Variants in HS3ST4 observed in about 807,000 individuals in gnomAD.
HS3ST4 encodes heparan sulfate-glucosamine 3-sulfotransferase 4, also known as heparan sulfate glucosamine 3-O-sulfotransferase 4.
Under a neutral mutation model 29.2 loss-of-function variants are expected in HS3ST4, and 17 were observed. That is an observed-to-expected ratio of 0.58 (90% CI 0.40 to 0.87). The LOEUF (loss-of-function observed/expected upper bound fraction) is 0.87. HS3ST4 is among the 40% of genes least tolerant of loss of function. HS3ST4 has a pLI of 0.00. For synonymous variants in HS3ST4, 314 were observed against 285.7 expected (o/e 1.10, Z -1.00); for missense variants, 627 against 634.5 (o/e 0.99, Z 0.13).
At chr16:26,021,167 A>G (rs985569223) in intron 1 of HS3ST4, among the ~76,000 whole-genome samples, 1 of 152,250 alleles carries the variant, frequency 6.6e-6, no homozygotes, top group African/African-American at 2.4e-5. Context: ...ATAGTCAGCT[A>G]TGGGCCAAAT....
intron 1 of HS3ST4, among the ~76,000 whole-genome samples, chr16:26,082,623 G>T (rs752160953): frequency 6.6e-6 from 1 of 152,130 alleles, no homozygotes; most frequent in Non-Finnish European, 1.5e-5. Flanking sequence ...GAAATTAGGC[G>T]TGGTCATGTG....
At chr16:25,903,273 C>CGTGTGTGTGTGTGTGTGT (rs71385584) in intron 1 of HS3ST4, among the ~76,000 whole-genome samples, 3 of 58,394 alleles carry the variant, frequency 5.1e-5, no homozygotes, top group African/African-American at 1.7e-4. Context: ...GAAGAATATA[C>CGTGTGTGTGTGTGTGTGT]GTGTGTGTGT....
intron 1 of HS3ST4, among the ~76,000 whole-genome samples, chr16:26,132,615 A>C (rs148274373): frequency 1.2e-3 from 176 of 152,310 alleles, no homozygotes; most frequent in African/African-American, 4.0e-3. Context: ...ATCCACAAAG[A>C]TCTTGACAGA....
chr16:25,712,154 A>G (rs1197741307), intron 1 of HS3ST4, among the ~76,000 whole-genome samples: 1 of 152,118 alleles, frequency 6.6e-6, no homozygotes, highest in Non-Finnish European at 1.5e-5. Context: ...ACAAGATACT[A>G]TTCTTCCAGG....
At chr16:25,954,232 A>G (rs1055795117) in intron 1 of HS3ST4, among the ~76,000 whole-genome samples, 23 of 152,208 alleles carry the variant, frequency 1.5e-4, no homozygotes, top group African/African-American at 4.3e-4. Flanking sequence ...TTTAAAAGCC[A>G]GTGTTCAGTT....
intron 1 of HS3ST4, among the ~76,000 whole-genome samples, chr16:26,130,406 G>C (rs1274429340): frequency 1.3e-5 from 2 of 152,164 alleles, no homozygotes; most frequent in African/African-American, 2.4e-5. Flanking sequence ...GACTTCCAGA[G>C]ACCATGTATT....
rs4611465 is a variant in HS3ST4 at position 25,925,606 on chromosome 16, C to T, written c.735-210006C>T. Among the ~76,000 whole-genome samples the T allele has an allele frequency of 4.5e-3, 678 of 152,270 alleles. 6 individuals carry two copies. Among genetic ancestry groups the T allele is most frequent in the African/African-American group, 0.015 (622 of 41,548 alleles). On this transcript the variant is annotated intron_variant, in intron 1 of 1. Coordinates refer to ENST00000331351, the MANE Select transcript of HS3ST4 (RefSeq NM_006040.3). ...CTGCAAATCCCCTAAGTGCCAGTGA[C>T]GGGGAGGCTTTGACTGGGGAAACAT...
At chr16:25,706,082 C>A (rs1276358636) in intron 1 of HS3ST4, among the ~76,000 whole-genome samples, 2 of 152,194 alleles carry the variant, frequency 1.3e-5, no homozygotes, top group Admixed American at 1.3e-4. Context: ...GTTCTCAGGG[C>A]AGACTGCGTA....
At chr16:25,739,145 A>C (rs1025328635) in intron 1 of HS3ST4, among the ~76,000 whole-genome samples, 21 of 152,136 alleles carry the variant, frequency 1.4e-4, no homozygotes, top group African/African-American at 4.8e-4. Flanking sequence ...AGTTCAAGAC[A>C]AGCCTGGCCA....
At chr16:26,091,747 C>A (rs4390598) in intron 1 of HS3ST4, among the ~76,000 whole-genome samples, 2 of 152,010 alleles carry the variant, frequency 1.3e-5, no homozygotes, top group Admixed American at 1.3e-4. Flanking sequence ...AAGTTGGCAT[C>A]TGTTAAGTTC....
At chr16:26,071,246 AGAGGAGGT>A in intron 1 of HS3ST4, among the ~76,000 whole-genome samples, 1 of 152,202 alleles carries the variant, frequency 6.6e-6, no homozygotes, top group Non-Finnish European at 1.5e-5. Flanking sequence ...AACATCCTTG[AGAGGAGGT>A]GAGGGGTGAG....
chr16:26,013,201 A>C (rs1226636608), intron 1 of HS3ST4, among the ~76,000 whole-genome samples: 3 of 152,180 alleles, frequency 2.0e-5, no homozygotes, highest in East Asian at 1.9e-4. Flanking sequence ...AACAAAAAAA[A>C]CACCAAAAAA....
intron 1 of HS3ST4, among the ~76,000 whole-genome samples, chr16:25,977,339 T>C (rs1421659063): frequency 1.3e-5 from 2 of 152,214 alleles, no homozygotes; most frequent in African/African-American, 4.8e-5. Flanking sequence ...TATCTCATTC[T>C]TCCCACCTTC....
At chr16:25,966,293 C>T (rs889367073) in intron 1 of HS3ST4, among the ~76,000 whole-genome samples, 63 of 152,228 alleles carry the variant, frequency 4.1e-4, no homozygotes, top group African/African-American at 1.5e-3. Flanking sequence ...TCTGCCTCTA[C>T]TAGGTAATGA....
intron 1 of HS3ST4, among the ~76,000 whole-genome samples, chr16:25,698,827 C>T (rs1458611472): frequency 6.6e-6 from 1 of 152,162 alleles, no homozygotes; most frequent in Non-Finnish European, 1.5e-5. Flanking sequence ...CCGAAGGTCA[C>T]ACAACTTCAG....
chr16:25,809,250 G>A (rs530624864), intron 1 of HS3ST4, among the ~76,000 whole-genome samples: 1 of 152,154 alleles, frequency 6.6e-6, no homozygotes, highest in African/African-American at 2.4e-5. Flanking sequence ...ATCTTTATTA[G>A]GAAGATTTAG....
Position 25,692,601 on chromosome 16 carries a change from C to T in HS3ST4, c.184C>T (p.Pro62Ser), listed in dbSNP as rs753157585. The T allele has an allele frequency of 2.1e-6, 3 of 1,400,602 alleles. No homozygotes were observed. The highest frequency in any genetic ancestry group is 1.4e-5 in the South Asian group (1 of 70,900). The allele number at this position is 1,400,602 out of a possible 1,614,324, so 86.8% of individuals were successfully genotyped here. Residue 62 changes from proline (P) to serine (S), a missense_variant, in exon 1 of 2, where the codon CCT becomes TCT. By Grantham distance (74) the Pro-to-Ser change is moderately conservative. Transcript: ENST00000331351. ...LLGGSGSLQF[P>S]LALQESPGAA... ...GGGCGGCTCGGGCTCCCTGCAATTC[C>T]CTCTGGCGCTGCAGGAGTCGCCGGG...
intron 1 of HS3ST4, among the ~76,000 whole-genome samples, chr16:25,975,759 A>G (rs1968937895): frequency 6.6e-6 from 1 of 152,164 alleles, no homozygotes; most frequent in Non-Finnish European, 1.5e-5. Flanking sequence ...TCTCTGTCAA[A>G]TCTCTTCAAG....
chr16:26,042,700 A>T (rs1969646085), intron 1 of HS3ST4, among the ~76,000 whole-genome samples: 1 of 152,222 alleles, frequency 6.6e-6, no homozygotes, highest in Non-Finnish European at 1.5e-5. Context: ...AGATGGAAAT[A>T]AATTTCCCAA....
Sources: gnomAD v4.1 joint callset for allele counts (sites outside exome capture counted in the v4.1 genomes callset) on GRCh38, gnomAD v4.1.1 for gene constraint, MANE v1.5 for transcripts, NCBI Gene and HGNC (gene_info 2026-07-23, HGNC 2026-07-21) for gene names.